The following KALRN variants were observed in gnomAD, a reference collection of about 807,000 sequenced individuals.
KALRN encodes kalirin.
A neutral mutation model predicts 353.7 loss-of-function variants in KALRN; 70 were observed. That is an observed-to-expected ratio of 0.20 (90% confidence interval 0.16 to 0.24). KALRN has a LOEUF of 0.24. Ranked by LOEUF, KALRN falls within the 10% of genes least tolerant of loss-of-function variation. The pLI is 1.00. For synonymous variants in KALRN, 1,391 were observed against 1,434.8 expected, an observed-to-expected ratio of 0.97 and a Z score of 0.69; for missense variants, 2,791 against 3,756.7, an observed-to-expected ratio of 0.74 and a Z score of 6.72.
Position 124,111,763 on chromosome 3 carries a change from ACT to A in KALRN, c.73+77953_73+77954del, listed in dbSNP as rs973703993. 4.6e-5 allele frequency among the ~76,000 whole-genome samples: 7 copies of A among 152,218 alleles called. No homozygotes were observed. The East Asian group carries it at 1.2e-3, about 25-fold the overall frequency. ...CTTAAAAACTGGAAAAATTTGGGAT[ACT>A]CTGTGTTCAAAATATAATAAATTTA... On this transcript the variant is annotated intron_variant, in intron 1 of 59. Coordinates refer to ENST00000682506, the MANE Select transcript of KALRN (RefSeq NM_001388419.1).
chr3:124,307,115 T>A (rs2077776171), intron 6 of KALRN, among the ~76,000 whole-genome samples: 1 of 152,114 alleles, frequency 6.6e-6, no homozygotes, highest in Non-Finnish European at 1.5e-5. Context: ...TAAACACACA[T>A]TTCTTCTCCT....
At chr3:124,399,593 A>T (rs2090602110) in intron 13 of KALRN, among the ~76,000 whole-genome samples, 1 of 152,230 alleles carries the variant, frequency 6.6e-6, no homozygotes, top group Non-Finnish European at 1.5e-5. Flanking sequence ...CTTAGAGCTG[A>T]TAATATAAAT....
At chr3:124,321,204 A>G (rs767274904) in intron 6 of KALRN, among the ~76,000 whole-genome samples, 24 of 152,232 alleles carry the variant, frequency 1.6e-4, no homozygotes, top group Non-Finnish European at 2.6e-4. Context: ...GTGGGGGCCT[A>G]TGACCACAAA....
At chr3:124,604,670 C>T (rs1265087762) in intron 34 of KALRN, among the ~76,000 whole-genome samples, 3 of 151,824 alleles carry the variant, frequency 2.0e-5, no homozygotes, top group African/African-American at 4.8e-5. Context: ...TTTTTAATTT[C>T]GTTTAAAATT....
At chr3:124,058,400 C>T (rs768688708) in intron 1 of KALRN, among the ~76,000 whole-genome samples, 5 of 152,122 alleles carry the variant, frequency 3.3e-5, no homozygotes, top group Non-Finnish European at 7.4e-5. Context: ...TGAGTTCACT[C>T]ATTTTGTTGG....
At chr3:124,473,835 G>A (rs2061180228) in intron 25 of KALRN, among the ~76,000 whole-genome samples, 1 of 152,180 alleles carries the variant, frequency 6.6e-6, no homozygotes, top group Admixed American at 6.5e-5. Context: ...TCCTTGTAAA[G>A]ATCGTAGCAT....
intron 20 of KALRN, 123 bp downstream of exon 20, chr3:124,446,399 G>T (rs1303251650): frequency 1.5e-6 from 1 of 686,296 alleles, no homozygotes; most frequent in African/African-American, 1.8e-5. Context: ...GAATAAAGAA[G>T]AAAGAAAGCA....
rs146965765 is a variant in KALRN at position 124,567,014 on chromosome 3, A to G, written c.5182+3925A>G. Among the ~76,000 whole-genome samples, 1,011 of 152,270 alleles carry G rather than the reference A, an allele frequency of 6.6e-3. 6 individuals carry two copies. The highest frequency in any genetic ancestry group is 0.011 in the Non-Finnish European group (742 of 68,014). On this transcript the variant is annotated intron_variant, in intron 34 of 59. Coordinates refer to ENST00000682506, the MANE Select transcript of KALRN (RefSeq NM_001388419.1). The stretch of plus-strand genomic sequence containing the variant: ...TCAGGCCATGACTATCACCCCAGAA[A>G]TGGGGACAAAAGAACCACAGGATGG...
intron 1 of KALRN, among the ~76,000 whole-genome samples, chr3:124,109,236 T>C (rs2062606544): frequency 6.6e-6 from 1 of 152,144 alleles, no homozygotes; most frequent in African/African-American, 2.4e-5. Context: ...CAACTGATTG[T>C]ATGTTGCAAT....
In KALRN at chr3:124,679,718, T is replaced by A. The variant is rs1323646263; in HGVS notation, c.7377+201T>A. ...TGTTGGTAGAAAACTCTACCTAGATTTTTTTAAAAAACAAAAACTTGTTAT... is the reference window on the plus strand; with the variant it reads ...TGTTGGTAGAAAACTCTACCTAGATATTTTTAAAAAACAAAAACTTGTTAT... On this transcript the variant is annotated intron_variant, in intron 51 of 59. Coordinates refer to ENST00000682506, the MANE Select transcript of KALRN (RefSeq NM_001388419.1). The A allele has an allele frequency of 1.1e-5, 7 of 653,102 alleles. No homozygotes were observed. The East Asian group carries it at 1.9e-4, about 18-fold the overall frequency. 40.5% of individuals were successfully genotyped at this position (653,102 alleles called of 1,614,324 possible). A position where few individuals can be genotyped will look rare whatever the true frequency, so the allele number is the denominator to read the frequency against.
At chr3:124,203,995 C>G (rs1299291747) in intron 1 of KALRN, among the ~76,000 whole-genome samples, 1 of 152,186 alleles carries the variant, frequency 6.6e-6, no homozygotes, top group Non-Finnish European at 1.5e-5. Context: ...TCCTCAACTG[C>G]AGGACATGAG....
At chr3:124,284,448 T>C (rs2149071053) in intron 5 of KALRN, among the ~76,000 whole-genome samples, 2 of 152,378 alleles carry the variant, frequency 1.3e-5, no homozygotes, top group African/African-American at 4.8e-5. Flanking sequence ...AATCCTGTTG[T>C]CTTTCAAGTG....
At chr3:124,580,432 A>C (rs1218124857) in intron 34 of KALRN, among the ~76,000 whole-genome samples, 1 of 152,174 alleles carries the variant, frequency 6.6e-6, no homozygotes, top group Non-Finnish European at 1.5e-5. Context: ...AGAGCCTAAA[A>C]AATGCTAATG....
intron 27 of KALRN, among the ~76,000 whole-genome samples, chr3:124,481,633 A>T (rs543390785): frequency 6.6e-6 from 1 of 152,196 alleles, no homozygotes. Context: ...TTCACTTCTT[A>T]TAGAAGGTGG....
chr3:124,495,955 GTGT>G (rs2063674164), intron 32 of KALRN, among the ~76,000 whole-genome samples: 1 of 27,464 alleles, frequency 3.6e-5, no homozygotes, highest in African/African-American at 2.0e-4. Flanking sequence ...GTGTGTGTAT[GTGT>G]ATGTATGTAT....
intron 51 of KALRN, among the ~76,000 whole-genome samples, chr3:124,686,936 C>T (rs1381870096): frequency 6.6e-6 from 1 of 150,646 alleles, no homozygotes; most frequent in Admixed American, 6.6e-5. Flanking sequence ...CACCCTCAGC[C>T]TCCTGAATAT....
At chr3:124,362,592 C>T (rs1248584192) in intron 10 of KALRN, among the ~76,000 whole-genome samples, 1 of 152,276 alleles carries the variant, frequency 6.6e-6, no homozygotes, top group East Asian at 1.9e-4. Flanking sequence ...AAAACAAATA[C>T]TGGCAACTTC....
At chr3:124,268,036 A>G (rs1039801261) in intron 4 of KALRN, among the ~76,000 whole-genome samples, 1 of 152,212 alleles carries the variant, frequency 6.6e-6, no homozygotes, top group Non-Finnish European at 1.5e-5. Flanking sequence ...GAGAAAGAAG[A>G]GAAGCCTAAA....
At chr3:124,388,336 T>A (rs2088754386) in intron 11 of KALRN, among the ~76,000 whole-genome samples, 1 of 150,096 alleles carries the variant, frequency 6.7e-6, no homozygotes, top group South Asian at 2.1e-4. Context: ...TTAGACATCA[T>A]TTTTTTTTTC....
Sources: gnomAD v4.1 joint callset for allele counts (sites outside exome capture counted in the v4.1 genomes callset) on GRCh38, gnomAD v4.1.1 for gene constraint, MANE v1.5 for transcripts, NCBI Gene and HGNC (gene_info 2026-07-23, HGNC 2026-07-21) for gene names.